LRRC4C: variants seen among roughly 807,000 people sequenced by gnomAD.
LRRC4C encodes leucine rich repeat containing 4C, also known as leucine-rich repeat-containing protein 4C.
A neutral mutation model predicts 33.6 loss-of-function variants in LRRC4C; 5 were observed. The observed-to-expected ratio is 0.15, with a 90% CI of 0.08 to 0.31. LRRC4C has a LOEUF of 0.31. Among genes scored for constraint, LRRC4C ranks in the 10% least tolerant of loss-of-function variants. The pLI, the probability that LRRC4C is intolerant of heterozygous loss-of-function variation, is 1.00. For missense variants in LRRC4C, 560 were observed against 796.7 expected, an observed-to-expected ratio of 0.70 and a Z score of 3.58; for synonymous variants, 329 against 302.0, an observed-to-expected ratio of 1.09 and a Z score of -0.93.
intron 1 of LRRC4C, among the ~76,000 whole-genome samples, chr11:41,377,632 A>G (rs1003629645): frequency 3.3e-5 from 5 of 152,218 alleles, no homozygotes; most frequent in African/African-American, 4.8e-5. Flanking sequence ...AAGTGTTATT[A>G]TGCAGAATTT....
At chr11:40,897,954 C>A (rs1410478632) in intron 2 of LRRC4C, among the ~76,000 whole-genome samples, 1 of 152,162 alleles carries the variant, frequency 6.6e-6, no homozygotes, top group Admixed American at 6.5e-5. Context: ...GTTCCCAAAA[C>A]TGTTTATGCA....
chr11:40,927,789 C>A lies in LRRC4C; in HGVS notation c.-407+5846G>T, dbSNP rs139809055. On this transcript the variant is annotated intron_variant, in intron 2 of 6. Coordinates refer to ENST00000528697, the MANE Select transcript of LRRC4C (RefSeq NM_001258419.2). The stretch of plus-strand genomic sequence containing the variant: ...TGTTTTTGCCTATAAGTAGGAAGTA[C>A]TTAAGGGCATGCTTTTGACATATTA... Among the ~76,000 whole-genome samples, 4 of 151,780 alleles carry A rather than the reference C, an allele frequency of 2.6e-5. No homozygotes were observed. The East Asian group carries it at 7.7e-4, about 29-fold the overall frequency.
chr11:41,178,230 A>G (rs1349208331), intron 1 of LRRC4C, among the ~76,000 whole-genome samples: 1 of 152,220 alleles, frequency 6.6e-6, no homozygotes, highest in Non-Finnish European at 1.5e-5. Context: ...ATTCTTTGAT[A>G]ATGCAGGACA....
At chr11:40,599,632 G>T (rs760707595) in intron 3 of LRRC4C, among the ~76,000 whole-genome samples, 1 of 152,166 alleles carries the variant, frequency 6.6e-6, no homozygotes, top group Non-Finnish European at 1.5e-5. Flanking sequence ...GATGAGGGCA[G>T]ATACCACATC....
rs184190760 is a variant in LRRC4C, at chr11:40,887,911, T to A, written c.-407+45724A>T. On this transcript the variant is annotated intron_variant, in intron 2 of 6. Transcript: ENST00000528697. ...ACATTATAATGGAAATCATTTGTTA[T>A]ACTTAATTTCCCATGCCTCTCCTTC... Among the ~76,000 whole-genome samples the A allele has an allele frequency of 1.8e-3, 270 of 152,118 alleles. 5 individuals carry two copies. Among genetic ancestry groups the A allele is most frequent in the Non-Finnish European group, 3.5e-4 (24 of 67,900 alleles).
chr11:40,127,592 G>C (rs558622096), intron 6 of LRRC4C, among the ~76,000 whole-genome samples: 6 of 152,168 alleles, frequency 3.9e-5, no homozygotes, highest in African/African-American at 1.4e-4. Context: ...GTTTTGGAAA[G>C]TTTCTGCTCT....
intron 5 of LRRC4C, among the ~76,000 whole-genome samples, chr11:40,160,379 A>G (rs1236674436): frequency 6.6e-6 from 1 of 152,196 alleles, no homozygotes; most frequent in Non-Finnish European, 1.5e-5. Flanking sequence ...GTACCTCATC[A>G]CAAGACTAAA....
intron 2 of LRRC4C, among the ~76,000 whole-genome samples, chr11:40,743,119 T>TG (rs1948241180): frequency 6.6e-6 from 1 of 152,068 alleles, no homozygotes; most frequent in Non-Finnish European, 1.5e-5. Context: ...ATTTTTAGTA[T>TG]GAAAATGGTA....
chr11:40,571,655 T>C (rs1173975415), intron 3 of LRRC4C, among the ~76,000 whole-genome samples: 1 of 152,184 alleles, frequency 6.6e-6, no homozygotes, highest in Non-Finnish European at 1.5e-5. Context: ...AGGATCTCTC[T>C]AAAACAATAT....
At chr11:41,395,264 T>C (rs1347886893) in intron 1 of LRRC4C, among the ~76,000 whole-genome samples, 1 of 151,974 alleles carries the variant, frequency 6.6e-6, no homozygotes, top group East Asian at 1.9e-4. Flanking sequence ...GCTTCTTAGA[T>C]TGAAGCAACT....
chr11:40,934,607 C>T (rs895425987), intron 1 of LRRC4C, among the ~76,000 whole-genome samples: 2 of 151,926 alleles, frequency 1.3e-5, no homozygotes, highest in African/African-American at 4.8e-5. Flanking sequence ...TCCAGAGCAC[C>T]GTTCTCTCCA....
intron 2 of LRRC4C, among the ~76,000 whole-genome samples, chr11:40,895,335 A>G (rs983546080): frequency 1.6e-5 from 1 of 63,434 alleles, no homozygotes; most frequent in Non-Finnish European, 4.0e-5. Flanking sequence ...ATGTTAAAAA[A>G]TCCCCCTCAC....
intron 1 of LRRC4C, among the ~76,000 whole-genome samples, chr11:41,068,208 C>T (rs529179994): frequency 3.0e-4 from 46 of 152,246 alleles, no homozygotes; most frequent in Non-Finnish European, 4.9e-4. Flanking sequence ...GCCTGGCCAA[C>T]GTGGTGAAAC....
intron 1 of LRRC4C, among the ~76,000 whole-genome samples, chr11:41,399,331 A>G (rs1042861802): frequency 6.6e-5 from 10 of 151,972 alleles, no homozygotes; most frequent in East Asian, 5.8e-4. Context: ...TGTTAGAAGT[A>G]TGTTCATTTT....
intron 3 of LRRC4C, among the ~76,000 whole-genome samples, chr11:40,586,375 C>A (rs1304335952): frequency 6.8e-6 from 1 of 146,700 alleles, no homozygotes; most frequent in East Asian, 2.0e-4. Context: ...TGGATATTAG[C>A]CCTTTGTCAG....
intron 1 of LRRC4C, among the ~76,000 whole-genome samples, chr11:40,945,301 T>C (rs1425434265): frequency 6.6e-6 from 1 of 152,126 alleles, no homozygotes; most frequent in East Asian, 1.9e-4. Context: ...ATTACAGGCT[T>C]GAGCCACCGT....
intron 2 of LRRC4C, among the ~76,000 whole-genome samples, chr11:40,814,634 A>G (rs1431585664): frequency 1.3e-5 from 2 of 151,142 alleles, no homozygotes; most frequent in Non-Finnish European, 2.9e-5. Context: ...TTGCATTGTC[A>G]TCTGCAAATT....
intron 5 of LRRC4C, among the ~76,000 whole-genome samples, chr11:40,161,365 T>A (rs1859139076): frequency 6.6e-6 from 1 of 152,198 alleles, no homozygotes; most frequent in African/African-American, 2.4e-5. Flanking sequence ...ATTTTTTAAA[T>A]CAGCAACAAA....
intron 1 of LRRC4C, among the ~76,000 whole-genome samples, chr11:41,303,195 C>G (rs898061759): frequency 2.0e-5 from 3 of 149,468 alleles, no homozygotes; most frequent in Non-Finnish European, 3.0e-5. Flanking sequence ...TGCAACCTCC[C>G]TGCCTGATTC....
Sources: allele counts gnomAD v4.1 joint callset (sites outside exome capture counted in the v4.1 genomes callset), GRCh38; gene constraint gnomAD v4.1.1; transcripts MANE v1.5; gene names NCBI Gene and HGNC (gene_info 2026-07-23, HGNC 2026-07-21).